Variants in BRAP observed in about 807,000 individuals in gnomAD.
BRAP encodes BRCA1 associated protein.
In BRAP, 42 loss-of-function variants were observed where a neutral mutation model predicts 73.4. That is an observed-to-expected ratio of 0.57 (90% CI 0.45 to 0.74). BRAP has a LOEUF of 0.74. Among genes scored for constraint, BRAP ranks in the 30% least tolerant of loss-of-function variants. BRAP has a pLI of 0.00. For synonymous variants in BRAP, 255 were observed against 267.4 expected (o/e 0.95, Z 0.45); for missense variants, 593 against 751.4 (o/e 0.79, Z 2.46).
intron 4 of BRAP, among the ~76,000 whole-genome samples, chr12:111,677,013 C>T (rs958140099): frequency 6.6e-6 from 1 of 152,116 alleles, no homozygotes; most frequent in Non-Finnish European, 1.5e-5. Context: ...CAACCTGTTT[C>T]GCAGTCTCAG....
intron 9 of BRAP, among the ~76,000 whole-genome samples, chr12:111,656,381 T>C (rs1886534566): frequency 6.6e-6 from 1 of 152,204 alleles, no homozygotes; most frequent in African/African-American, 2.4e-5. Flanking sequence ...GACAGAGCTG[T>C]GGACATTAGA....
chr12:111,643,563 T>C lies in BRAP; in HGVS notation c.*636A>G, dbSNP rs916638013. The stretch of plus-strand genomic sequence containing the variant: ...CTGAGTCTACCCAATGTGCCCCGGG[T>C]TGTTTGTTTTTCCTGGCTGGCCCCA... On this transcript the variant is annotated 3_prime_UTR_variant, in exon 12 of 12. Coordinates refer to ENST00000419234, the MANE Select transcript of BRAP (RefSeq NM_006768.5). 1 of 151,882 alleles carries C rather than the reference T, an allele frequency of 6.6e-6. No homozygotes were observed. The highest frequency in any genetic ancestry group is 1.5e-5 in the Non-Finnish European group (1 of 67,980). The allele number at this position is 151,882 out of a possible 1,614,324, so 9.4% of individuals were successfully genotyped here. A position where few individuals can be genotyped will look rare whatever the true frequency, so the allele number is the denominator to read the frequency against.
chr12:111,658,428 C>T (rs1413607182), intron 9 of BRAP, among the ~76,000 whole-genome samples: 1 of 150,768 alleles, frequency 6.6e-6, no homozygotes, highest in Non-Finnish European at 1.5e-5. Context: ...CGGGTTCAAG[C>T]GATTCTCCTG....
At position 111,658,802 on chromosome 12, in the gene BRAP, T is replaced by C; in HGVS notation, c.1155A>G (p.Lys385=). ...CCCCCTCACATTCATACTGTACTAT[T>C]TTTCCATCTGTTTTACTTGCAACCA... The part of the protein sequence containing the change: ...HRLVASKTDG[K]IVQYECEGDT... Residue 385 remains lysine, a synonymous_variant, in exon 9 of 12, where the codon AAA becomes AAG. Transcript: ENST00000419234. 6.2e-7 allele frequency: 1 copy of C among 1,613,106 alleles called. No homozygotes were observed. The highest frequency in any genetic ancestry group is 8.5e-7 in the Non-Finnish European group (1 of 1,179,188).
At chr12:111,659,105 G>C in intron 8 of BRAP, 102 bp downstream of exon 8, 1 of 1,429,120 alleles carries the variant, frequency 7.0e-7, no homozygotes, top group Non-Finnish European at 9.5e-7. Context: ...TGCAACAGCT[G>C]TCAAAAGATG....
intron 6 of BRAP, among the ~76,000 whole-genome samples, chr12:111,661,922 T>C (rs958742967): frequency 6.6e-6 from 1 of 151,106 alleles, no homozygotes; most frequent in Non-Finnish European, 1.5e-5. Context: ...ATATTGGCCA[T>C]GCTGGCCTCC....
chr12:111,669,047 G>C (rs1182603468), intron 5 of BRAP, among the ~76,000 whole-genome samples: 1 of 151,980 alleles, frequency 6.6e-6, no homozygotes, highest in African/African-American at 2.4e-5. Flanking sequence ...ATGCCTATAA[G>C]GAAAAAAGCT....
At chr12:111,647,722 C>A (rs1886160547) in intron 11 of BRAP, among the ~76,000 whole-genome samples, 1 of 151,854 alleles carries the variant, frequency 6.6e-6, no homozygotes, top group South Asian at 2.1e-4. Context: ...ATGGAGAAAC[C>A]CTGTTTCTAC....
At chr12:111,673,030 G>C in intron 4 of BRAP, 1 of 397,368 alleles carries the variant, frequency 2.5e-6, no homozygotes, top group Non-Finnish European at 4.5e-6. Flanking sequence ...AGGTACTGAA[G>C]TGCAACAAGC....
chr12:111,660,982 A>AT lies in BRAP; in HGVS notation c.897-308dup, dbSNP rs574047287. On this transcript the variant is annotated intron_variant, in intron 6 of 11. Transcript: ENST00000419234. ...TTCATTTCATGTCTGATTATTTATA[A>AT]TTTTTTTTTTTTTTTGAGACAGAGT... Among the ~76,000 whole-genome samples, 675 of 144,610 alleles carry AT rather than the reference A, an allele frequency of 4.7e-3. 1 individual carries two copies. The highest frequency in any genetic ancestry group is 0.014 in the Middle Eastern group (4 of 276). 94.9% of individuals were successfully genotyped at this position (144,610 alleles called of 152,430 possible).
chr12:111,652,512 T>G (rs1240584715), intron 10 of BRAP, among the ~76,000 whole-genome samples: 1 of 152,200 alleles, frequency 6.6e-6, no homozygotes, highest in Non-Finnish European at 1.5e-5. Flanking sequence ...CATTAGCCAC[T>G]GCGCCTGGCC....
chr12:111,658,919 A>G, intron 8 of BRAP, 74 bp from the exon 9 acceptor site: 1 of 1,209,360 alleles, frequency 8.3e-7, no homozygotes, highest in South Asian at 1.4e-5. Context: ...CTCTGACAAA[A>G]TTTTTTTTTC....
chr12:111,669,232 CTT>C (rs145945097), intron 5 of BRAP, among the ~76,000 whole-genome samples: 22 of 143,262 alleles, frequency 1.5e-4, no homozygotes, highest in East Asian at 4.1e-4. Flanking sequence ...GCTTCTCTCT[CTT>C]TTTTTTTTTT....
At chr12:111,648,342 G>A (rs1408780656) in intron 11 of BRAP, among the ~76,000 whole-genome samples, 4 of 138,216 alleles carry the variant, frequency 2.9e-5, no homozygotes, top group Non-Finnish European at 4.6e-5. Flanking sequence ...GGCTGGGCAC[G>A]GTGGCTCACG....
intron 10 of BRAP, among the ~76,000 whole-genome samples, chr12:111,650,661 G>A (rs1886283892): frequency 6.6e-6 from 1 of 152,210 alleles, no homozygotes. Context: ...CCAAAGTGCT[G>A]GGATTACAGG....
chr12:111,671,411 A>T (rs547947046), intron 5 of BRAP, among the ~76,000 whole-genome samples: 7 of 151,978 alleles, frequency 4.6e-5, no homozygotes, highest in Admixed American at 3.9e-4. Context: ...TTAGCCTGGC[A>T]TAGTGGCGTA....
At chr12:111,670,409 C>T (rs1887122896) in intron 5 of BRAP, 1 of 362,244 alleles carries the variant, frequency 2.8e-6, no homozygotes, top group Non-Finnish European at 5.4e-6. Flanking sequence ...TTTGATTTCA[C>T]CTAATCAAAT....
At chr12:111,677,014 G>C (rs1887408600) in intron 4 of BRAP, among the ~76,000 whole-genome samples, 1 of 152,108 alleles carries the variant, frequency 6.6e-6, no homozygotes, top group Non-Finnish European at 1.5e-5. Context: ...AACCTGTTTC[G>C]CAGTCTCAGA....
intron 5 of BRAP, among the ~76,000 whole-genome samples, chr12:111,669,531 T>G (rs1425153186): frequency 6.6e-6 from 1 of 152,074 alleles, no homozygotes; most frequent in African/African-American, 2.4e-5. Context: ...CGGCTTTGCT[T>G]CCCTCTTAAT....
Sources: allele counts gnomAD v4.1 joint callset (sites outside exome capture counted in the v4.1 genomes callset), GRCh38; gene constraint gnomAD v4.1.1; transcripts MANE v1.5; gene names NCBI Gene and HGNC (gene_info 2026-07-23, HGNC 2026-07-21).